Variants in RALGPS1 observed in about 807,000 individuals in gnomAD.
RALGPS1 encodes ras-specific guanine nucleotide-releasing factor RalGPS1.
In RALGPS1, 19 loss-of-function variants were observed where a neutral mutation model predicts 78.8. The observed-to-expected ratio is 0.24, with a 90% CI of 0.17 to 0.35. The LOEUF (loss-of-function observed/expected upper bound fraction) is 0.35, where lower values mean the gene tolerates loss of function less well. RALGPS1 is among the 10% of genes least tolerant of loss of function. RALGPS1 has a pLI of 1.00. For missense variants in RALGPS1, 454 were observed against 688.3 expected (o/e 0.66, Z 3.81); for synonymous variants, 228 against 256.3 (o/e 0.89, Z 1.06).
At chr9:127,204,577 A>C (rs972419757) in intron 14 of RALGPS1, among the ~76,000 whole-genome samples, 1 of 152,158 alleles carries the variant, frequency 6.6e-6, no homozygotes, top group African/African-American at 2.4e-5. Context: ...AATTTCTACC[A>C]GCACCTGCTG....
At chr9:127,111,140 G>A (rs2054770622) in intron 8 of RALGPS1, among the ~76,000 whole-genome samples, 1 of 152,140 alleles carries the variant, frequency 6.6e-6, no homozygotes, top group African/African-American at 2.4e-5. Context: ...CCTTTTGGTT[G>A]TCTGTCAAGT....
intron 4 of RALGPS1, among the ~76,000 whole-genome samples, chr9:126,988,408 T>C (rs988250733): frequency 6.6e-6 from 1 of 151,924 alleles, no homozygotes; most frequent in African/African-American, 2.4e-5. Flanking sequence ...CTGAGAGATT[T>C]AAAAAAACAA....
At chr9:127,059,448 G>A (rs140553386) in intron 7 of RALGPS1, among the ~76,000 whole-genome samples, 426 of 152,268 alleles carry the variant, frequency 2.8e-3, no homozygotes, top group Admixed American at 4.7e-3. Context: ...CATCTTCCTT[G>A]ACATTGCTAC....
intron 11 of RALGPS1, among the ~76,000 whole-genome samples, chr9:127,187,872 T>C (rs2060753181): frequency 6.6e-6 from 1 of 152,108 alleles, no homozygotes; most frequent in Admixed American, 6.5e-5. Context: ...GTTGCAGCGC[T>C]TTGAGCAGAG....
chr9:127,105,449 A>G (rs2054130432), intron 8 of RALGPS1, among the ~76,000 whole-genome samples: 1 of 152,194 alleles, frequency 6.6e-6, no homozygotes, highest in Admixed American at 6.5e-5. Flanking sequence ...ACTCATCTCC[A>G]TCAGGGACCC....
In RALGPS1 at chr9:127,183,085, G is replaced by A. The variant is rs944156960; in HGVS notation, c.910+8303G>A. The stretch of plus-strand genomic sequence containing the variant: ...AGACTTTTAAACAACCAGACCTCCC[G>A]TGAACTGAGTGAGAACTCACTCATC... On this transcript the variant is annotated intron_variant, in intron 11 of 18. Coordinates refer to ENST00000259351, the MANE Select transcript of RALGPS1 (RefSeq NM_014636.3). This position sits in a 1 kb window ranked among gnomAD's most constrained non-coding sequence, Gnocchi z 4.0. 2.0e-5 allele frequency among the ~76,000 whole-genome samples: 3 copies of A among 152,048 alleles called. No homozygotes were observed. The highest frequency in any genetic ancestry group is 1.9e-4 in the East Asian group (1 of 5,180).
rs1589141528 is a variant in RALGPS1 at position 127,036,815 on chromosome 9, G to A, written c.300+2301G>A. Among the ~76,000 whole-genome samples, 3 of 152,318 alleles carry A rather than the reference G, an allele frequency of 2.0e-5. No homozygotes were observed. The Middle Eastern group carries it at 0.01, about 518-fold the overall frequency. ...TCTTTTTTGGGTCTTGGGTTCTTTT[G>A]AGAATCTGACAGTATCACATATGAA... On this transcript the variant is annotated intron_variant, in intron 5 of 18. Coordinates refer to ENST00000259351, the MANE Select transcript of RALGPS1 (RefSeq NM_014636.3).
chr9:126,936,773 C>G (rs2036295784), intron 1 of RALGPS1, among the ~76,000 whole-genome samples: 1 of 151,798 alleles, frequency 6.6e-6, no homozygotes. Flanking sequence ...GTGAAGTTCT[C>G]TAACCCAAGG....
chr9:127,187,005 G>C (rs143914020), intron 11 of RALGPS1, among the ~76,000 whole-genome samples: 356 of 152,304 alleles, frequency 2.3e-3, no homozygotes, highest in Non-Finnish European at 4.0e-3. Flanking sequence ...AGTCAGGCAG[G>C]AGTGAGCAGG....
Position 126,966,520 on chromosome 9 carries a change from CAAAA to C in RALGPS1, c.165+588_165+591del, listed in dbSNP as rs756980868. Among the ~76,000 whole-genome samples the C allele has an allele frequency of 1.9e-3, 103 of 53,454 alleles. No individual in the cohort carries two copies. The East Asian group carries it at 0.045, about 23-fold the overall frequency. 35.1% of individuals were successfully genotyped at this position (53,454 alleles called of 152,430 possible). The stretch of plus-strand genomic sequence containing the variant: ...TGGGTGACAGAGGAAAACCCTGTCT[CAAAA>C]AAAAAAAAAAAAAAAAAAGCATGTA... On this transcript the variant is annotated intron_variant, in intron 3 of 18. Transcript: ENST00000259351.
intron 8 of RALGPS1, among the ~76,000 whole-genome samples, chr9:127,104,714 C>T (rs928050123): frequency 6.6e-6 from 1 of 152,220 alleles, no homozygotes; most frequent in Non-Finnish European, 1.5e-5. Context: ...CCATGGCTCC[C>T]TTAGTCCCCT....
chr9:127,132,254 A>G (rs1445537330), intron 8 of RALGPS1, among the ~76,000 whole-genome samples: 1 of 152,198 alleles, frequency 6.6e-6, no homozygotes, highest in Non-Finnish European at 1.5e-5. Flanking sequence ...AATGTGAAAC[A>G]AACTTCATTC....
At chr9:126,994,699 G>T (rs1437337193) in intron 4 of RALGPS1, among the ~76,000 whole-genome samples, 1 of 152,016 alleles carries the variant, frequency 6.6e-6, no homozygotes, top group Non-Finnish European at 1.5e-5. Context: ...GATACTCCTC[G>T]AGAAGAGCAA....
chr9:127,098,018 G>A (rs2053324845), intron 8 of RALGPS1, among the ~76,000 whole-genome samples: 2 of 152,166 alleles, frequency 1.3e-5, no homozygotes, highest in African/African-American at 2.4e-5. Context: ...ATCCCTTTCT[G>A]TTTCCTTTGA....
rs569959851 is a variant in RALGPS1 at position 127,082,484 on chromosome 9, C to T, written c.610+13128C>T. Among the ~76,000 whole-genome samples the T allele has an allele frequency of 3.3e-5, 5 of 152,312 alleles. 1 individual carries two copies. In the South Asian group the frequency reaches 8.3e-4, roughly 25 times the overall value. ...GCTGGCTGGCTACCTGACATATCCA[C>T]TCCTGCTGTGGGCAGGAGGCTCCAT... On this transcript the variant is annotated intron_variant, in intron 8 of 18. Transcript: ENST00000259351.
At chr9:127,213,110 A>G (rs1282471384) in intron 17 of RALGPS1, 61 bp downstream of exon 17, 9 of 1,596,000 alleles carry the variant, frequency 5.6e-6, no homozygotes, top group Non-Finnish European at 7.7e-6. Context: ...TCTCTTGCAC[A>G]GCGTGCATTT....
chr9:126,999,900 A>G (rs1296417313), intron 4 of RALGPS1, among the ~76,000 whole-genome samples: 1 of 152,146 alleles, frequency 6.6e-6, no homozygotes, highest in Non-Finnish European at 1.5e-5. Flanking sequence ...AGTTTCTCTA[A>G]CTATTCAGTT....
rs1351817917 is a variant in RALGPS1 at position 127,183,664 on chromosome 9, CTA to C, written c.910+8884_910+8885del. Among the ~76,000 whole-genome samples the C allele has an allele frequency of 6.6e-6, 1 of 152,020 alleles. No homozygotes were observed. The highest frequency in any genetic ancestry group is 2.4e-5 in the African/African-American group (1 of 41,378). ...GGGGGTCTGTGGAGACTCCGCCTGA[CTA>C]TGTGTGAGTAGAAAAAGAGAACAGC... On this transcript the variant is annotated intron_variant, in intron 11 of 18. Coordinates refer to ENST00000259351, the MANE Select transcript of RALGPS1 (RefSeq NM_014636.3). This position sits in a 1 kb window ranked among gnomAD's most constrained non-coding sequence, Gnocchi z 4.0.
chr9:127,026,737 T>G (rs2045994050), intron 4 of RALGPS1, among the ~76,000 whole-genome samples: 1 of 152,206 alleles, frequency 6.6e-6, no homozygotes, highest in South Asian at 2.1e-4. Flanking sequence ...TTCCCCTGGC[T>G]TTTCTCCTGA....
Sources: gnomAD v4.1 joint callset for allele counts (sites outside exome capture counted in the v4.1 genomes callset) on GRCh38, gnomAD v4.1.1 for gene constraint, Gnocchi (gnomAD v3.1) non-coding constraint, MANE v1.5 for transcripts, NCBI Gene and HGNC (gene_info 2026-07-23, HGNC 2026-07-21) for gene names.